The following ANO10 variants were observed in gnomAD, a reference collection of about 807,000 sequenced individuals.
The protein encoded by ANO10 is anoctamin 10, also known as anoctamin-10.
ANO10 carries 77 observed loss-of-function variants against 74.7 expected under a neutral mutation model. The observed-to-expected ratio is 1.03, with a 90% confidence interval of 0.86 to 1.25. The LOEUF is 1.25. Among genes scored for constraint, ANO10 ranks in the 50% most tolerant of loss-of-function variants. ANO10 has a pLI of 0.00. For missense variants in ANO10, 721 were observed against 778.1 expected, an observed-to-expected ratio of 0.93 and a Z score of 0.87; for synonymous variants, 279 against 284.9, an observed-to-expected ratio of 0.98 and a Z score of 0.21.
At chr3:43,688,993 C>T (rs529885891) in intron 1 of ANO10, among the ~76,000 whole-genome samples, 47 of 152,198 alleles carry the variant, frequency 3.1e-4, no homozygotes, top group African/African-American at 1.1e-3. Flanking sequence ...GAGGGCAAAG[C>T]GGGAGCAGGC....
intron 12 of ANO10, among the ~76,000 whole-genome samples, chr3:43,385,070 G>A (rs1559496493): frequency 1.3e-5 from 2 of 151,594 alleles, no homozygotes; most frequent in Non-Finnish European, 2.9e-5. Flanking sequence ...ATTCAAATCA[G>A]CAAGAAAAAA....
At chr3:43,394,194 C>A (rs1575650753) in intron 12 of ANO10, among the ~76,000 whole-genome samples, 1 of 152,210 alleles carries the variant, frequency 6.6e-6, no homozygotes, top group East Asian at 1.9e-4. Flanking sequence ...GGAAGAGGGG[C>A]CTTAGACGTT....
chr3:43,447,562 G>C (rs568960204), intron 11 of ANO10, among the ~76,000 whole-genome samples: 1 of 152,274 alleles, frequency 6.6e-6, no homozygotes, highest in East Asian at 1.9e-4. Context: ...TGAGGGATTG[G>C]AGAAAAGGGA....
At chr3:43,621,093 A>G (rs542335018) in intron 1 of ANO10, among the ~76,000 whole-genome samples, 3 of 152,372 alleles carry the variant, frequency 2.0e-5, no homozygotes, top group African/African-American at 7.2e-5. Context: ...ATTTAAGGCA[A>G]TATGATACAA....
chr3:43,552,941 C>A (rs908781257), intron 10 of ANO10, among the ~76,000 whole-genome samples: 2 of 151,676 alleles, frequency 1.3e-5, no homozygotes, highest in Non-Finnish European at 2.9e-5. Flanking sequence ...TTATGGGCAC[C>A]CACAACCACA....
intron 11 of ANO10, among the ~76,000 whole-genome samples, chr3:43,502,869 C>T (rs574584838): frequency 1.1e-4 from 17 of 152,180 alleles, no homozygotes; most frequent in African/African-American, 3.9e-4. Flanking sequence ...ATATCAGATA[C>T]CTAGTATAGT....
intron 12 of ANO10, among the ~76,000 whole-genome samples, chr3:43,428,794 T>A (rs376785949): frequency 0.024 from 61 of 2,502 alleles, no homozygotes; most frequent in East Asian, 0.033. Context: ...ACTTTGTGAA[T>A]GCAAAAAAAA....
At chr3:43,651,189 T>C (rs1468856695) in intron 1 of ANO10, among the ~76,000 whole-genome samples, 3 of 152,296 alleles carry the variant, frequency 2.0e-5, no homozygotes, top group Admixed American at 6.5e-5. Context: ...AAAAATGTCA[T>C]TCAGTTCTAT....
intron 12 of ANO10, among the ~76,000 whole-genome samples, chr3:43,411,673 C>A (rs1440613630): frequency 6.6e-6 from 1 of 152,106 alleles, no homozygotes; most frequent in Non-Finnish European, 1.5e-5. Context: ...ATGGTGCTTA[C>A]AACAATGGAA....
chr3:43,450,547 A>G (rs1024084138), intron 11 of ANO10, among the ~76,000 whole-genome samples: 4 of 152,234 alleles, frequency 2.6e-5, no homozygotes, highest in African/African-American at 9.6e-5. Flanking sequence ...ATCTCAAAAA[A>G]AGAAAAATTA....
intron 12 of ANO10, among the ~76,000 whole-genome samples, chr3:43,381,556 C>T (rs565502370): frequency 2.0e-5 from 3 of 152,004 alleles, no homozygotes; most frequent in Non-Finnish European, 4.4e-5. Flanking sequence ...ACTAGAGCTC[C>T]CAAATTTATA....
intron 12 of ANO10, among the ~76,000 whole-genome samples, chr3:43,379,095 T>C (rs181014697): frequency 3.4e-4 from 52 of 152,256 alleles, no homozygotes; most frequent in Middle Eastern, 3.4e-3. Flanking sequence ...TGCTACAGGA[T>C]CCTGAGCACA....
At chr3:43,689,448 C>G (rs987476515) in intron 1 of ANO10, 1 of 152,106 alleles carries the variant, frequency 6.6e-6, no homozygotes, top group Non-Finnish European at 1.5e-5. Context: ...TTTGAATATA[C>G]GGCCCTTTCA....
chr3:43,520,390 C>T (rs963065976), intron 11 of ANO10, among the ~76,000 whole-genome samples: 1 of 152,128 alleles, frequency 6.6e-6, no homozygotes, highest in Non-Finnish European at 1.5e-5. Context: ...TGATAATTAA[C>T]ACAACACTGG....
chr3:43,519,514 T>G (rs757248380), intron 11 of ANO10, among the ~76,000 whole-genome samples: 15 of 152,222 alleles, frequency 9.9e-5, no homozygotes, highest in Admixed American at 2.0e-4. Context: ...CGTCCAACTT[T>G]CTGATGTCCA....
chr3:43,664,178 C>T (rs938034874), intron 1 of ANO10, among the ~76,000 whole-genome samples: 2 of 152,058 alleles, frequency 1.3e-5, no homozygotes, highest in Non-Finnish European at 2.9e-5. Flanking sequence ...GGTACCAAAA[C>T]AGATATATAG....
intron 11 of ANO10, among the ~76,000 whole-genome samples, chr3:43,433,756 A>G (rs2093026921): frequency 6.6e-6 from 1 of 152,178 alleles, no homozygotes; most frequent in Non-Finnish European, 1.5e-5. Context: ...CAACCTACTG[A>G]TACTTCTCCG....
intron 11 of ANO10, among the ~76,000 whole-genome samples, chr3:43,511,100 G>T (rs879508432): frequency 6.6e-6 from 1 of 152,130 alleles, no homozygotes; most frequent in Admixed American, 6.5e-5. Context: ...TGCTCTTTAT[G>T]ATTTCATTTT....
intron 1 of ANO10, among the ~76,000 whole-genome samples, chr3:43,656,162 T>C (rs2083848331): frequency 6.6e-6 from 1 of 150,808 alleles, no homozygotes; most frequent in Non-Finnish European, 1.5e-5. Flanking sequence ...GACATAAAGG[T>C]TCTTCACCTC....
Sources: allele counts gnomAD v4.1 joint callset (sites outside exome capture counted in the v4.1 genomes callset), GRCh38; gene constraint gnomAD v4.1.1; transcripts MANE v1.5; gene names NCBI Gene and HGNC (gene_info 2026-07-23, HGNC 2026-07-21).